Variants in GRIN2B observed in about 807,000 individuals in gnomAD.
GRIN2B encodes glutamate ionotropic receptor NMDA type subunit 2B, also known as glutamate receptor ionotropic, NMDA 2B.
A neutral mutation model predicts 114.5 loss-of-function variants in GRIN2B; 5 were observed. That is an observed-to-expected ratio of 0.04 (90% CI 0.02 to 0.09). The LOEUF (loss-of-function observed/expected upper bound fraction) is 0.09. Ranked by LOEUF, GRIN2B falls within the 10% of genes least tolerant of loss-of-function variation. The pLI is 1.00. For synonymous variants in GRIN2B, 787 were observed against 745.1 expected (o/e 1.06, Z -0.92); for missense variants, 1,108 against 1,943.5 (o/e 0.57, Z 8.08).
intron 2 of GRIN2B, among the ~76,000 whole-genome samples, chr12:13,873,294 T>C (rs374003340): frequency 6.6e-6 from 1 of 152,206 alleles, no homozygotes; most frequent in Non-Finnish European, 1.5e-5. Context: ...TCATCAACCA[T>C]CTGAGGTAGG....
At chr12:13,913,106 G>A (rs1162985118) in intron 2 of GRIN2B, among the ~76,000 whole-genome samples, 1 of 152,180 alleles carries the variant, frequency 6.6e-6, no homozygotes, top group East Asian at 1.9e-4. Flanking sequence ...CATGTGAAAA[G>A]GATAGAAACT....
intron 2 of GRIN2B, among the ~76,000 whole-genome samples, chr12:13,939,062 C>A (rs1460723010): frequency 6.6e-6 from 1 of 152,154 alleles, no homozygotes; most frequent in Non-Finnish European, 1.5e-5. Context: ...GTTCCCTACT[C>A]CTTGTCTATT....
intron 12 of GRIN2B, among the ~76,000 whole-genome samples, 197 bp from the exon 13 acceptor site, chr12:13,567,460 CTTAG>C (rs2136410373): frequency 6.6e-6 from 1 of 152,338 alleles, no homozygotes; most frequent in South Asian, 2.1e-4. Context: ...CATCAACGTA[CTTAG>C]TAAGCATTCA....
At chr12:13,668,616 C>G (rs1318907831) in intron 5 of GRIN2B, among the ~76,000 whole-genome samples, 1 of 152,066 alleles carries the variant, frequency 6.6e-6, no homozygotes, top group Non-Finnish European at 1.5e-5. Flanking sequence ...CTCAGAAAAA[C>G]ACAACAAAAT....
At chr12:13,626,981 C>T (rs1949575260) in intron 5 of GRIN2B, among the ~76,000 whole-genome samples, 1 of 151,898 alleles carries the variant, frequency 6.6e-6, no homozygotes, top group Non-Finnish European at 1.5e-5. Flanking sequence ...GGGTGGGGCA[C>T]CTGACTGGCT....
intron 5 of GRIN2B, among the ~76,000 whole-genome samples, chr12:13,673,823 C>A (rs1950045374): frequency 6.6e-6 from 1 of 151,860 alleles, no homozygotes; most frequent in African/African-American, 2.4e-5. Flanking sequence ...GAGCCTACTG[C>A]AAAGAAAGCT....
intron 5 of GRIN2B, among the ~76,000 whole-genome samples, chr12:13,673,615 GA>G (rs1279017264): frequency 6.6e-6 from 1 of 152,048 alleles, no homozygotes; most frequent in African/African-American, 2.4e-5. Context: ...ATAAATTCAA[GA>G]GCTAGAATAA....
intron 4 of GRIN2B, among the ~76,000 whole-genome samples, chr12:13,693,976 G>A (rs1373822324): frequency 6.6e-6 from 1 of 152,100 alleles, no homozygotes; most frequent in East Asian, 1.9e-4. Flanking sequence ...ATAAATTCTG[G>A]GTGGAAGGGA....
At chr12:13,737,085 T>A (rs1283579407) in intron 4 of GRIN2B, among the ~76,000 whole-genome samples, 2 of 149,766 alleles carry the variant, frequency 1.3e-5, no homozygotes, top group East Asian at 3.9e-4. Context: ...ATATAATAAA[T>A]TCCTTGTCAA....
intron 3 of GRIN2B, among the ~76,000 whole-genome samples, chr12:13,763,517 T>C (rs1863721314): frequency 6.6e-6 from 1 of 152,216 alleles, no homozygotes. Flanking sequence ...GATGCTGGGC[T>C]TCCTGTACCT....
intron 4 of GRIN2B, among the ~76,000 whole-genome samples, chr12:13,716,113 C>T (rs538738391): frequency 6.6e-6 from 1 of 152,006 alleles, no homozygotes; most frequent in African/African-American, 2.4e-5. Flanking sequence ...TAAACATCAC[C>T]AGGTTGAAAA....
chr12:13,933,236 T>C (rs932317528), intron 2 of GRIN2B, among the ~76,000 whole-genome samples: 2 of 152,140 alleles, frequency 1.3e-5, no homozygotes, highest in Non-Finnish European at 2.9e-5. Flanking sequence ...CTCTCTTCAA[T>C]TAAACCCTTT....
intron 2 of GRIN2B, among the ~76,000 whole-genome samples, chr12:13,930,430 G>A (rs943626953): frequency 3.3e-5 from 5 of 152,202 alleles, no homozygotes; most frequent in Admixed American, 3.3e-4. Context: ...TGAGGGGAAT[G>A]CATCTTAGAA....
rs150349436 is a variant in GRIN2B at position 13,597,813 on chromosome 12, A to G, written c.2010+10790T>C. ...GGACAACTTCTGGTCAAGACCCTCC[A>G]TCGGTAACAGTAGAACCATATGTGA... On this transcript the variant is annotated intron_variant, in intron 10 of 13. Transcript: ENST00000609686. Among the ~76,000 whole-genome samples the G allele has an allele frequency of 3.9e-3, 589 of 152,328 alleles. 1 individual carries two copies. Among genetic ancestry groups the G allele is most frequent in the Non-Finnish European group, 5.1e-3 (350 of 68,028 alleles).
chr12:13,978,851 T>C (rs1026323852), intron 2 of GRIN2B, among the ~76,000 whole-genome samples: 1 of 152,204 alleles, frequency 6.6e-6, no homozygotes, highest in Non-Finnish European at 1.5e-5. Context: ...TGAAGAGTCA[T>C]TAGCTAAGTC....
chr12:13,808,743 T>A (rs1024566531), intron 3 of GRIN2B, among the ~76,000 whole-genome samples: 3 of 115,044 alleles, frequency 2.6e-5, no homozygotes, highest in Admixed American at 8.2e-5. Context: ...TAAAGTATAA[T>A]AAAAAAAAAA....
At chr12:13,884,684 G>T (rs906615160) in intron 2 of GRIN2B, among the ~76,000 whole-genome samples, 1 of 151,914 alleles carries the variant, frequency 6.6e-6, no homozygotes, top group Admixed American at 6.6e-5. Context: ...CTTATCTTAG[G>T]GGTAGCATAT....
intron 11 of GRIN2B, among the ~76,000 whole-genome samples, 178 bp downstream of exon 11, chr12:13,571,623 CGTT>C (rs1192078285): frequency 6.6e-6 from 1 of 152,182 alleles, no homozygotes; most frequent in African/African-American, 2.4e-5. Context: ...GCATAGGAAT[CGTT>C]GTACACTGGT....
At chr12:13,866,273 T>C (rs977008653) in intron 2 of GRIN2B, 47 bp from the exon 3 acceptor site, 2 of 1,533,770 alleles carry the variant, frequency 1.3e-6, no homozygotes, top group African/African-American at 2.7e-5. Context: ...CTACATCACG[T>C]AACCTGTCTT....
Sources: allele counts gnomAD v4.1 joint callset (sites outside exome capture counted in the v4.1 genomes callset), GRCh38; gene constraint gnomAD v4.1.1; transcripts MANE v1.5; gene names NCBI Gene and HGNC (gene_info 2026-07-23, HGNC 2026-07-21).